NIPA1: variants seen among roughly 807,000 people sequenced by gnomAD.
NIPA1 encodes NIPA magnesium transporter 1.
In NIPA1, 13 loss-of-function variants were observed where a neutral mutation model predicts 23.9. The ratio of observed to expected loss-of-function variants is 0.54; its 90% CI spans 0.35 to 0.87. The LOEUF is 0.87. Ranked by LOEUF, NIPA1 falls within the 40% of genes least tolerant of loss-of-function variation. The pLI, the probability that NIPA1 is intolerant of heterozygous loss-of-function variation, is 0.01. For synonymous variants in NIPA1, 234 were observed against 202.9 expected (o/e 1.15, Z -1.30); for missense variants, 362 against 429.7 (o/e 0.84, Z 1.39).
rs905296655 is a variant in NIPA1, at chr15:22,788,498, C to CAAAAAAAAAAAAAAAAAAAAAAAA, written c.178+1681_178+1682insAAAAAAAAAAAAAAAAAAAAAAAA. 6.7e-5 allele frequency among the ~76,000 whole-genome samples: 6 copies of CAAAAAAAAAAAAAAAAAAAAAAAA among 89,590 alleles called. 1 individual carries two copies. Among genetic ancestry groups the CAAAAAAAAAAAAAAAAAAAAAAAA allele is most frequent in the Non-Finnish European group, 1.4e-4 (6 of 42,792 alleles). 58.8% of individuals were successfully genotyped at this position (89,590 alleles called of 152,430 possible). ...TGGGCGGCAGAGCAAGACTCCATCT[C>CAAAAAAAAAAAAAAAAAAAAAAAA]AAAAAAAAAAAAAAAAATCTTGCAG... is the stretch of plus-strand genomic sequence containing the variant. On this transcript the variant is annotated intron_variant, in intron 1 of 4. Transcript: ENST00000337435.
intron 1 of NIPA1, among the ~76,000 whole-genome samples, chr15:22,809,260 G>A (rs897682929): frequency 4.0e-5 from 6 of 151,864 alleles, no homozygotes; most frequent in Admixed American, 1.3e-4. Flanking sequence ...GGTGGTGCAC[G>A]CCTGTAATCC....
intron 1 of NIPA1, among the ~76,000 whole-genome samples, chr15:22,792,174 A>T (rs1894842458): frequency 6.6e-6 from 1 of 152,194 alleles, no homozygotes; most frequent in Non-Finnish European, 1.5e-5. Context: ...GCCCATGGCA[A>T]CATTAGAATA....
intron 1 of NIPA1, among the ~76,000 whole-genome samples, chr15:22,787,278 C>A (rs867663382): frequency 6.6e-6 from 1 of 152,160 alleles, no homozygotes; most frequent in African/African-American, 2.4e-5. Context: ...CTGGAAGCGC[C>A]GCTTCAGCCG....
intron 1 of NIPA1, among the ~76,000 whole-genome samples, chr15:22,804,937 C>T (rs866957456): frequency 2.6e-5 from 4 of 151,972 alleles, no homozygotes; most frequent in Admixed American, 6.6e-5. Flanking sequence ...CCTGGGTTCA[C>T]ACCATTCTCC....
At chr15:22,810,587 C>T (rs1399331339) in intron 1 of NIPA1, among the ~76,000 whole-genome samples, 162 bp from the exon 2 acceptor site, 1 of 151,826 alleles carries the variant, frequency 6.6e-6, no homozygotes, top group African/African-American at 2.4e-5. Flanking sequence ...CTAATGCTGC[C>T]ATTTATAGAT....
intron 4 of NIPA1, among the ~76,000 whole-genome samples, chr15:22,822,371 CA>C (rs1459463014): frequency 6.6e-6 from 1 of 152,086 alleles, no homozygotes; most frequent in African/African-American, 2.4e-5. Context: ...TTGCTGTCTG[CA>C]CATGCCTCTG....
At chr15:22,799,074 T>G (rs999190081) in intron 1 of NIPA1, among the ~76,000 whole-genome samples, 2 of 152,106 alleles carry the variant, frequency 1.3e-5, no homozygotes, top group Non-Finnish European at 2.9e-5. Context: ...ATCCCAGTAC[T>G]GGGTGTCTAC....
At chr15:22,812,052 A>G in intron 2 of NIPA1, 111 bp from the exon 3 acceptor site, 1 of 821,142 alleles carries the variant, frequency 1.2e-6, no homozygotes, top group Non-Finnish European at 2.1e-6. Flanking sequence ...CTTCACAAGT[A>G]ATGTGAATGA....
chr15:22,794,221 G>A (rs986857694), intron 1 of NIPA1, among the ~76,000 whole-genome samples: 2 of 151,982 alleles, frequency 1.3e-5, no homozygotes, highest in Admixed American at 1.3e-4. Flanking sequence ...GCTGCAACAT[G>A]GAGGACATTG....
intron 1 of NIPA1, among the ~76,000 whole-genome samples, chr15:22,802,855 G>A (rs149522504): frequency 4.6e-5 from 7 of 152,274 alleles, no homozygotes; most frequent in Admixed American, 2.0e-4. Flanking sequence ...AAGATTCATC[G>A]TGATGTGGGT....
At chr15:22,796,123 T>C (rs1894934817) in intron 1 of NIPA1, among the ~76,000 whole-genome samples, 1 of 151,988 alleles carries the variant, frequency 6.6e-6, no homozygotes, top group African/African-American at 2.4e-5. Flanking sequence ...GATCTTGCTA[T>C]GTTGTCCAGG....
intron 1 of NIPA1, among the ~76,000 whole-genome samples, chr15:22,791,615 C>T (rs905196243): frequency 6.6e-6 from 1 of 151,082 alleles, no homozygotes; most frequent in Admixed American, 6.6e-5. Flanking sequence ...TCCCCAGTAG[C>T]TGGCATTACA....
At chr15:22,803,401 A>G (rs1194899816) in intron 1 of NIPA1, among the ~76,000 whole-genome samples, 2 of 151,836 alleles carry the variant, frequency 1.3e-5, no homozygotes, top group East Asian at 1.9e-4. Context: ...GCATATATTA[A>G]CCATACAGAT....
chr15:22,793,276 G>T (rs1473715981), intron 1 of NIPA1, among the ~76,000 whole-genome samples: 2 of 147,642 alleles, frequency 1.4e-5, no homozygotes, highest in African/African-American at 5.0e-5. Flanking sequence ...CTGAACCTGG[G>T]CTGCAGAGGT....
Position 22,824,391 on chromosome 15 carries a change from A to C in NIPA1, c.*152A>C. The C allele has an allele frequency of 1.3e-6, 1 of 745,244 alleles. No homozygotes were observed. Among genetic ancestry groups the C allele is most frequent in the Non-Finnish European group, 2.3e-6 (1 of 431,798 alleles). 46.2% of individuals were successfully genotyped at this position (745,244 alleles called of 1,614,324 possible). Reference sequence around the variant, plus strand: ...TGGTGGATAGCGGGGAGCATGGCTCAGCACCAGAGCAGAGGCCCAGCCAGC... The same window carrying C: ...TGGTGGATAGCGGGGAGCATGGCTCCGCACCAGAGCAGAGGCCCAGCCAGC... On this transcript the variant is annotated 3_prime_UTR_variant, in exon 5 of 5. Transcript: ENST00000337435. This position sits in a 1 kb window ranked among gnomAD's most constrained non-coding sequence, Gnocchi z 4.1.
intron 1 of NIPA1, among the ~76,000 whole-genome samples, chr15:22,792,690 A>C (rs1258214606): frequency 3.9e-5 from 6 of 152,056 alleles, no homozygotes; most frequent in Non-Finnish European, 7.4e-5. Context: ...ATGGTGGCTC[A>C]CACCTGTAAT....
intron 3 of NIPA1, chr15:22,814,265 T>TG: frequency 8.1e-6 from 2 of 246,032 alleles, no homozygotes; most frequent in African/African-American, 2.3e-5. Context: ...TTTTTTTTTG[T>TG]TTTTTTTTTT....
At chr15:22,794,186 A>G (rs1894895545) in intron 1 of NIPA1, among the ~76,000 whole-genome samples, 1 of 152,066 alleles carries the variant, frequency 6.6e-6, no homozygotes, top group South Asian at 2.1e-4. Context: ...CTGAAGGATG[A>G]TAGCAAAAGT....
intron 1 of NIPA1, among the ~76,000 whole-genome samples, chr15:22,806,287 G>T (rs900930445): frequency 6.6e-6 from 1 of 152,182 alleles, no homozygotes; most frequent in Non-Finnish European, 1.5e-5. Context: ...AAAGCCACAT[G>T]CCCCTGGTTG....
Sources: gnomAD v4.1 joint callset for allele counts (sites outside exome capture counted in the v4.1 genomes callset) on GRCh38, gnomAD v4.1.1 for gene constraint, Gnocchi (gnomAD v3.1) non-coding constraint, MANE v1.5 for transcripts, NCBI Gene and HGNC (gene_info 2026-07-23, HGNC 2026-07-21) for gene names.